The following BCOR variants were observed in gnomAD, a reference collection of about 807,000 sequenced individuals.
BCOR encodes BCL6 corepressor.
BCOR carries 10 observed loss-of-function variants against 86.7 expected under a neutral mutation model. The ratio of observed to expected loss-of-function variants is 0.12; its 90% CI spans 0.07 to 0.20. The LOEUF (loss-of-function observed/expected upper bound fraction) is 0.20, where lower values mean the gene tolerates loss of function less well. Ranked by LOEUF, BCOR falls within the 10% of genes least tolerant of loss-of-function variation. The pLI, the probability that BCOR is intolerant of heterozygous loss-of-function variation, is 1.00. For synonymous variants in BCOR, 611 were observed against 609.0 expected (o/e 1.00, Z -0.05); for missense variants, 1,259 against 1,452.1 (o/e 0.87, Z 2.16).
At chrX:40,156,464 C>T (rs1456133496) in intron 1 of BCOR, among the ~76,000 whole-genome samples, 1 of 112,904 alleles carries the variant, frequency 8.9e-6, no homozygotes, top group Admixed American at 9.2e-5. Context: ...CACTCTTCCC[C>T]TGCCCGCCTG....
chrX:40,175,353 G>A (rs886172406), intron 1 of BCOR, among the ~76,000 whole-genome samples: 48 of 113,393 alleles, frequency 4.2e-4, no homozygotes, highest in Non-Finnish European at 7.1e-4. Flanking sequence ...CCCGGCGGCC[G>A]CCCAGCGCCC....
chrX:40,064,288 A>G (rs990415192), intron 7 of BCOR, 48 bp downstream of exon 7: 56 of 1,210,012 alleles, frequency 4.6e-5, no homozygotes, highest in Non-Finnish European at 6.3e-5. Flanking sequence ...CTGTGGCCGC[A>G]TGCAAAGGCC....
chrX:40,142,859 G>A (rs1240264560), intron 1 of BCOR, among the ~76,000 whole-genome samples: 2 of 111,680 alleles, frequency 1.8e-5, no homozygotes, highest in African/African-American at 3.3e-5. Context: ...CCTCTCTCTC[G>A]GAAGATTCAC....
chrX:40,052,553 CCA>C (rs1347381610), intron 14 of BCOR, among the ~76,000 whole-genome samples, 153 bp from the exon 15 acceptor site: 4 of 96,483 alleles, frequency 4.1e-5, no homozygotes, highest in Non-Finnish European at 8.1e-5. Flanking sequence ...TCTCTGATCA[CCA>C]TTTTTTTTTT....
chrX:40,065,918 G>T (rs1935178210), intron 6 of BCOR, among the ~76,000 whole-genome samples: 1 of 111,064 alleles, frequency 9.0e-6, no homozygotes, highest in Admixed American at 9.5e-5. Flanking sequence ...TTCTCTCGGG[G>T]GCATTGCCAG....
At chrX:40,052,754 T>C (rs7057344) in intron 14 of BCOR, among the ~76,000 whole-genome samples, 47,314 of 107,745 alleles carry the variant, frequency 0.44, 10,356 homozygotes, top group African/African-American at 0.82. Context: ...TTAGTAGAGA[T>C]GGGGTTTCAC....
rs781530958 is a variant in BCOR at position 40,095,598 on chromosome X, A to G, written c.-41+1617T>C. 1.3e-3 allele frequency among the ~76,000 whole-genome samples: 143 copies of G among 112,011 alleles called. 4 individuals are homozygous for G. Among genetic ancestry groups the G allele is most frequent in the East Asian group, 1.1e-3 (4 of 3,543 alleles). On this transcript the variant is annotated intron_variant, in intron 1 of 14. Transcript: ENST00000378444. Reference sequence around the variant, plus strand: ...CTTCTCAAAACGAAAAAAGGGGGGGAAAACACAGCTAAAACCCCGAGCTGT... The same window carrying G: ...CTTCTCAAAACGAAAAAAGGGGGGGGAAACACAGCTAAAACCCCGAGCTGT...
At chrX:40,176,817 C>G (rs889611113) in intron 1 of BCOR, among the ~76,000 whole-genome samples, 1 of 111,823 alleles carries the variant, frequency 8.9e-6, no homozygotes, top group Non-Finnish European at 1.9e-5. Context: ...GCTCCCCCGC[C>G]AGCTGCGCCG....
chrX:40,161,149 A>G (rs1938409879), intron 1 of BCOR, among the ~76,000 whole-genome samples: 1 of 106,544 alleles, frequency 9.4e-6, no homozygotes, highest in Non-Finnish European at 1.9e-5. Flanking sequence ...CTGGGACTAC[A>G]GGTTCATGCC....
At position 40,057,190 on chromosome X, in the gene BCOR, G is replaced by C. The variant is rs375830184; in HGVS notation, c.4560C>G (p.Gly1520=). Residue 1520 remains glycine (G), a synonymous_variant, in exon 11 of 15, where the codon GGC becomes GGG. Transcript: ENST00000378444. Reference sequence around the variant, plus strand: ...CCTGGGCACTACAGTTGACATCAGCGCCATATTCAAGGAGGTGTCGCACAA... The same window carrying C: ...CCTGGGCACTACAGTTGACATCAGCCCCATATTCAAGGAGGTGTCGCACAA... The part of the protein sequence containing the change: ...LNIVRHLLEY[G]ADVNCSAQDG... 67 of 1,210,292 alleles carry C rather than the reference G, an allele frequency of 5.5e-5. No individual in the cohort carries two copies. The highest frequency in any genetic ancestry group is 6.8e-5 in the Non-Finnish European group (61 of 895,277).
intron 3 of BCOR, among the ~76,000 whole-genome samples, chrX:40,075,745 C>T (rs1017369192): frequency 2.7e-5 from 3 of 111,017 alleles, no homozygotes; most frequent in Admixed American, 9.5e-5. Flanking sequence ...GGCGACACAG[C>T]GAGACTCTGT....
At chrX:40,172,874 C>A (rs1938659345) in intron 1 of BCOR, among the ~76,000 whole-genome samples, 1 of 112,742 alleles carries the variant, frequency 8.9e-6, no homozygotes, top group African/African-American at 3.2e-5. Flanking sequence ...ATAAGGAGTT[C>A]CTCGGCAATC....
At chrX:40,088,805 C>T (rs1170731111) in intron 1 of BCOR, among the ~76,000 whole-genome samples, 2 of 112,209 alleles carry the variant, frequency 1.8e-5, no homozygotes, top group Non-Finnish European at 3.8e-5. Flanking sequence ...AGGCCACCCC[C>T]TCTCACCTCT....
At chrX:40,102,256 C>G (rs1401483776), upstream of BCOR, among the ~76,000 whole-genome samples, 1 of 113,080 alleles carries the variant, frequency 8.8e-6, no homozygotes, top group Non-Finnish European at 1.9e-5. Context: ...TCCGTGGTTC[C>G]TAGCAACCAT....
intron 1 of BCOR, among the ~76,000 whole-genome samples, chrX:40,082,197 C>A (rs1433967779): frequency 9.0e-6 from 1 of 111,631 alleles, no homozygotes; most frequent in African/African-American, 3.3e-5. Context: ...GAGGGCAGAC[C>A]ACAGGTCCCA....
chrX:40,107,750 C>T (rs1170226968), intron 1 of BCOR, among the ~76,000 whole-genome samples: 1 of 113,288 alleles, frequency 8.8e-6, no homozygotes, highest in African/African-American at 3.2e-5. Context: ...CCCTGGGGTG[C>T]GGGTTTGGCG....
At chrX:40,127,191 C>T (rs1198973898) in intron 1 of BCOR, among the ~76,000 whole-genome samples, 2 of 112,096 alleles carry the variant, frequency 1.8e-5, no homozygotes, top group Non-Finnish European at 3.8e-5. Flanking sequence ...GAGGAGAAGC[C>T]TTAAGAGACT....
At chrX:40,063,127 G>A (rs1934995156) in intron 8 of BCOR, 56 bp from the exon 9 acceptor site, 5 of 926,050 alleles carry the variant, frequency 5.4e-6, no homozygotes, top group Non-Finnish European at 4.5e-6. Context: ...GAGAAGAAGC[G>A]GGCGTTACAC....
At chrX:40,095,595 G>A (rs1936821071) in intron 1 of BCOR, among the ~76,000 whole-genome samples, 2 of 112,087 alleles carry the variant, frequency 1.8e-5, no homozygotes, top group African/African-American at 6.5e-5. Flanking sequence ...AAAAAAGGGG[G>A]GGAAAACACA....
Sources: gnomAD v4.1 joint callset for allele counts (sites outside exome capture counted in the v4.1 genomes callset) on GRCh38, gnomAD v4.1.1 for gene constraint, MANE v1.5 for transcripts, NCBI Gene and HGNC (gene_info 2026-07-23, HGNC 2026-07-21) for gene names.